Variants in PRUNE2 observed in about 807,000 individuals in gnomAD.
PRUNE2 encodes protein prune homolog 2.
In PRUNE2, 164 loss-of-function variants were observed where a neutral mutation model predicts 252.0. The observed-to-expected ratio is 0.65, with a 90% CI of 0.57 to 0.74. The LOEUF (loss-of-function observed/expected upper bound fraction) is 0.74. Ranked by LOEUF, PRUNE2 falls within the 30% of genes least tolerant of loss-of-function variation. The pLI, the probability that PRUNE2 is intolerant of heterozygous loss-of-function variation, is 0.00. For missense variants in PRUNE2, 3,495 were observed against 3,711.0 expected (o/e 0.94, Z 1.51); for synonymous variants, 1,292 against 1,350.2 (o/e 0.96, Z 0.94).
chr9:76,704,113 T>C lies in PRUNE2; in HGVS notation c.7514-14A>G, dbSNP rs1158229128. The C allele has an allele frequency of 3.8e-6, 6 of 1,559,120 alleles. No individual in the cohort carries two copies. The highest frequency in any genetic ancestry group is 5.2e-6 in the Non-Finnish European group (6 of 1,154,652). ...CCTTGCTGGCACCTAGAAGTGGAAGTTGAAAGTGAGAAGAGGAGAAAAAGG... is the reference window on the plus strand; with the variant it reads ...CCTTGCTGGCACCTAGAAGTGGAAGCTGAAAGTGAGAAGAGGAGAAAAAGG... On this transcript the variant is annotated splice_polypyrimidine_tract_variant and intron_variant, in intron 8 of 18. Coordinates refer to ENST00000376718, the MANE Select transcript of PRUNE2 (RefSeq NM_015225.3).
chr9:76,831,165 G>C (rs1436895830), intron 4 of PRUNE2, among the ~76,000 whole-genome samples: 2 of 152,010 alleles, frequency 1.3e-5, no homozygotes, highest in Admixed American at 1.3e-4. Flanking sequence ...TCCTGACCTT[G>C]TGATCCGCCC....
In PRUNE2 at chr9:76,704,799, G is replaced by C; in HGVS notation, c.7475C>G (p.Ser2492Cys). 6.3e-7 allele frequency: 1 copy of C among 1,576,556 alleles called. No homozygotes were observed. Among genetic ancestry groups the C allele is most frequent in the African/African-American group, 1.3e-5 (1 of 74,392 alleles). ...NVDWEVETDN[S>C]DLPAGGDIGP... ...TATGTCTCCACCTGCTGGTAAATCA[G>C]AATTATCTGTTTCTACTTCCCAGTC... Residue 2492 changes from serine (S) to cysteine (C), a missense_variant, in exon 8 of 19, where the codon TCT becomes TGT. By Grantham distance (112) the Ser-to-Cys change is moderately radical (BLOSUM62 -1). Transcript: ENST00000376718.
At chr9:76,799,609 C>G (rs2056397408) in intron 6 of PRUNE2, among the ~76,000 whole-genome samples, 1 of 152,114 alleles carries the variant, frequency 6.6e-6, no homozygotes. Flanking sequence ...AGAGAAAGAG[C>G]ATGTGGTTAT....
chr9:76,892,104 G>C (rs1229744347), intron 1 of PRUNE2, among the ~76,000 whole-genome samples: 1 of 152,206 alleles, frequency 6.6e-6, no homozygotes, highest in Non-Finnish European at 1.5e-5. Flanking sequence ...CATTAGCAGA[G>C]TTGTAACTGG....
intron 6 of PRUNE2, among the ~76,000 whole-genome samples, chr9:76,732,447 C>G (rs1420975523): frequency 6.6e-6 from 1 of 152,198 alleles, no homozygotes; most frequent in African/African-American, 2.4e-5. Context: ...GCACATTTGG[C>G]TTGGTTTTTG....
At chr9:76,641,022 C>T (rs1364333119) in intron 12 of PRUNE2, among the ~76,000 whole-genome samples, 3 of 152,070 alleles carry the variant, frequency 2.0e-5, no homozygotes, top group African/African-American at 7.2e-5. Context: ...ATAAACAGTA[C>T]TTCAGATGTC....
Position 76,638,292 on chromosome 9 carries a change from G to C in PRUNE2, c.8729-4C>G, listed in dbSNP as rs769570048. ...TTTAGACCGTCCCCATAGTATCCTGGGGGACAAACAAAAAGACACTTGTAA... is the reference window on the plus strand; with the variant it reads ...TTTAGACCGTCCCCATAGTATCCTGCGGGACAAACAAAAAGACACTTGTAA... On this transcript the variant is annotated splice_polypyrimidine_tract_variant and splice_region_variant and intron_variant, in intron 12 of 18. Coordinates refer to ENST00000376718, the MANE Select transcript of PRUNE2 (RefSeq NM_015225.3). The C allele has an allele frequency of 6.2e-7, 1 of 1,606,434 alleles. No homozygotes were observed. Among genetic ancestry groups the C allele is most frequent in the East Asian group, 2.2e-5 (1 of 44,788 alleles).
At chr9:76,758,609 C>T (rs1239816019) in intron 6 of PRUNE2, 1 of 152,000 alleles carries the variant, frequency 6.6e-6, no homozygotes, top group Non-Finnish European at 1.5e-5. Flanking sequence ...GCTCCCGCCT[C>T]AGCCTCCTGA....
intron 9 of PRUNE2, among the ~76,000 whole-genome samples, chr9:76,680,972 A>T (rs530613696): frequency 6.6e-6 from 1 of 152,306 alleles, no homozygotes; most frequent in East Asian, 1.9e-4. Flanking sequence ...CTCCCCCAAC[A>T]CATGGAGATT....
chr9:76,792,644 C>T lies in PRUNE2; in HGVS notation c.756+30988G>A, dbSNP rs140143433. Among the ~76,000 whole-genome samples the T allele has an allele frequency of 3.7e-3, 562 of 152,266 alleles. 1 individual carries two copies. The highest frequency in any genetic ancestry group is 0.013 in the African/African-American group (528 of 41,542). ...ACTAACATATTATGGTTTTAATGTA[C>T]ATTTTGTCCACTACTTAAAGATAAA... is the stretch of plus-strand genomic sequence containing the variant. On this transcript the variant is annotated intron_variant, in intron 6 of 18. Coordinates refer to ENST00000376718, the MANE Select transcript of PRUNE2 (RefSeq NM_015225.3).
At chr9:76,664,067 CT>C (rs2039660127) in intron 9 of PRUNE2, among the ~76,000 whole-genome samples, 1 of 152,190 alleles carries the variant, frequency 6.6e-6, no homozygotes, top group South Asian at 2.1e-4. Context: ...CTTTGACACT[CT>C]TTTCAAAAGG....
intron 1 of PRUNE2, among the ~76,000 whole-genome samples, chr9:76,905,560 T>G (rs2063440093): frequency 6.6e-6 from 1 of 152,196 alleles, no homozygotes; most frequent in South Asian, 2.1e-4. Context: ...CCTTTTACAC[T>G]TACACGTAAT....
intron 15 of PRUNE2, among the ~76,000 whole-genome samples, chr9:76,630,655 G>A (rs1397864277): frequency 6.6e-6 from 1 of 152,190 alleles, no homozygotes; most frequent in Non-Finnish European, 1.5e-5. Flanking sequence ...CTCCCGAGTA[G>A]CTGGGACTAC....
chr9:76,678,338 C>A (rs548131240), intron 9 of PRUNE2, among the ~76,000 whole-genome samples: 1 of 87,624 alleles, frequency 1.1e-5, no homozygotes, highest in African/African-American at 5.1e-5. Flanking sequence ...GAGACAAGAG[C>A]GAGACTCCAT....
chr9:76,802,476 A>T (rs1339262356), intron 6 of PRUNE2, among the ~76,000 whole-genome samples: 1 of 152,190 alleles, frequency 6.6e-6, no homozygotes, highest in Non-Finnish European at 1.5e-5. Context: ...CACAACAGGC[A>T]GCGGAAAAAT....
chr9:76,779,404 A>G (rs565059203), intron 6 of PRUNE2, among the ~76,000 whole-genome samples: 3 of 152,200 alleles, frequency 2.0e-5, no homozygotes, highest in Non-Finnish European at 2.9e-5. Flanking sequence ...ATTTTGAAAC[A>G]TATCAAAGCT....
intron 9 of PRUNE2, among the ~76,000 whole-genome samples, chr9:76,696,693 T>C (rs372606734): frequency 2.0e-5 from 3 of 152,356 alleles, no homozygotes; most frequent in South Asian, 4.1e-4. Context: ...CCCAAAATGC[T>C]GGGATTACAG....
At chr9:76,851,371 C>A (rs1453849394) in intron 2 of PRUNE2, among the ~76,000 whole-genome samples, 1 of 152,106 alleles carries the variant, frequency 6.6e-6, no homozygotes, top group Non-Finnish European at 1.5e-5. Flanking sequence ...CACGGTGAAA[C>A]CCCATCTCTA....
intron 6 of PRUNE2, among the ~76,000 whole-genome samples, chr9:76,801,573 C>T (rs554686155): frequency 5.6e-4 from 85 of 152,018 alleles, no homozygotes; most frequent in African/African-American, 2.0e-3. Context: ...AACGAACATA[C>T]CTATCTCTTA....
Sources: gnomAD v4.1 joint callset for allele counts (sites outside exome capture counted in the v4.1 genomes callset) on GRCh38, gnomAD v4.1.1 for gene constraint, MANE v1.5 for transcripts, NCBI Gene and HGNC (gene_info 2026-07-23, HGNC 2026-07-21) for gene names.